GALNT13: variants seen among roughly 807,000 people sequenced by gnomAD.
The protein encoded by GALNT13 is polypeptide N-acetylgalactosaminyltransferase 13, also known as UDP-GalNAc:polypeptide N-acetylgalactosaminyltransferase 13.
GALNT13 carries 28 observed loss-of-function variants against 64.2 expected under a neutral mutation model. The ratio of observed to expected loss-of-function variants is 0.44; its 90% CI spans 0.32 to 0.60. GALNT13 has a LOEUF of 0.60. GALNT13 is among the 20% of genes least tolerant of loss of function. The probability of loss-of-function intolerance (pLI) is 0.05; values close to 1 mark genes in which losing one functional copy is unlikely to be tolerated. For synonymous variants in GALNT13, 214 were observed against 224.6 expected, an observed-to-expected ratio of 0.95 and a Z score of 0.42; for missense variants, 577 against 669.8, an observed-to-expected ratio of 0.86 and a Z score of 1.53.
intron 4 of GALNT13, among the ~76,000 whole-genome samples, chr2:154,235,217 G>A (rs1689130696): frequency 6.6e-6 from 1 of 152,030 alleles, no homozygotes; most frequent in African/African-American, 2.4e-5. Flanking sequence ...AGATGAGTAC[G>A]GCATCTCCCT....
chr2:154,415,501 T>A (rs1350144373), intron 11 of GALNT13, among the ~76,000 whole-genome samples: 1 of 152,108 alleles, frequency 6.6e-6, no homozygotes, highest in Admixed American at 6.6e-5. Flanking sequence ...CAGAGCTATT[T>A]TTCAAGGTAG....
At chr2:153,431,601 C>T in the GALNT13 span, among the ~76,000 whole-genome samples, 2 of 152,196 alleles carry the variant, frequency 1.3e-5, no homozygotes, top group African/African-American at 4.8e-5. Context: ...CCTCCTGCTC[C>T]CTTTCTAGGC....
chr2:153,501,242 A>G, the GALNT13 span, among the ~76,000 whole-genome samples: 1 of 152,306 alleles, frequency 6.6e-6, no homozygotes, highest in Middle Eastern at 3.4e-3. Flanking sequence ...ATGAAGAGGG[A>G]AGACTTAGCT....
the GALNT13 span, among the ~76,000 whole-genome samples, chr2:153,489,646 G>A: frequency 1.2e-3 from 180 of 152,110 alleles, no homozygotes; most frequent in Admixed American, 4.9e-3. Context: ...CCTATGTTTC[G>A]ATTAATACAA....
At chr2:153,442,127 A>G in the GALNT13 span, among the ~76,000 whole-genome samples, 1 of 152,124 alleles carries the variant, frequency 6.6e-6, no homozygotes, top group East Asian at 1.9e-4. Flanking sequence ...GTCCATCAAT[A>G]CCTAGTTTAT....
At chr2:153,789,174 C>A in the GALNT13 span, among the ~76,000 whole-genome samples, 8 of 152,100 alleles carry the variant, frequency 5.3e-5, no homozygotes, top group African/African-American at 1.9e-4. Context: ...ATGACACATA[C>A]TCTAAAATTG....
At chr2:154,012,070 A>G (rs1574326090) in intron 3 of GALNT13, among the ~76,000 whole-genome samples, 1 of 152,086 alleles carries the variant, frequency 6.6e-6, no homozygotes, top group Admixed American at 6.6e-5. Context: ...GTTTGCATTC[A>G]AGATTAATGT....
the GALNT13 span, among the ~76,000 whole-genome samples, chr2:153,277,926 TC>T: frequency 0.084 from 6,792 of 81,198 alleles, 1,974 homozygotes; most frequent in East Asian, 0.54. Context: ...TTCTTTTCTT[TC>T]TTTTTTTTTT....
the GALNT13 span, among the ~76,000 whole-genome samples, chr2:153,551,058 A>C: frequency 6.6e-6 from 1 of 152,198 alleles, no homozygotes; most frequent in Non-Finnish European, 1.5e-5. Context: ...AGTCCAAAAA[A>C]AAATCATTGA....
chr2:154,050,739 A>T (rs545676173), intron 3 of GALNT13, among the ~76,000 whole-genome samples: 5 of 152,228 alleles, frequency 3.3e-5, no homozygotes, highest in Non-Finnish European at 5.9e-5. Flanking sequence ...TTTATAAAAC[A>T]AATGTAGTGA....
chr2:154,381,028 A>G (rs571096069), intron 9 of GALNT13, among the ~76,000 whole-genome samples: 12 of 152,220 alleles, frequency 7.9e-5, no homozygotes, highest in Non-Finnish European at 1.6e-4. Flanking sequence ...ACAAGATGTA[A>G]TATAATCATC....
At position 154,049,448 on chromosome 2, in the gene GALNT13, T is replaced by G. The variant is rs1266059607; in HGVS notation, c.143-90889T>G. On this transcript the variant is annotated intron_variant, in intron 3 of 12. Transcript: ENST00000392825. ...ATGGTATATATACTATTCATTGTGATATATATATATAATGGTATATATATA... is the reference window on the plus strand; with the variant it reads ...ATGGTATATATACTATTCATTGTGAGATATATATATAATGGTATATATATA... Among the ~76,000 whole-genome samples the G allele has an allele frequency of 2.7e-5, 4 of 146,114 alleles. No individual in the cohort carries two copies. In the Admixed American group the frequency reaches 2.7e-4, roughly 10 times the overall value.
chr2:154,360,524 G>A (rs939950092), intron 9 of GALNT13, among the ~76,000 whole-genome samples: 3 of 152,128 alleles, frequency 2.0e-5, no homozygotes, highest in Admixed American at 6.6e-5. Context: ...TGCTGCTTTC[G>A]CAGAAAAGCG....
At chr2:153,356,789 C>CTTTTTTTTTTTTTTTTT in the GALNT13 span, among the ~76,000 whole-genome samples, 2 of 104,904 alleles carry the variant, frequency 1.9e-5, 1 homozygote. Flanking sequence ...TCTTCTTCCT[C>CTTTTTTTTTTTTTTTTT]TTTTTTTTTT....
At chr2:153,719,004 C>A in the GALNT13 span, among the ~76,000 whole-genome samples, 2 of 152,132 alleles carry the variant, frequency 1.3e-5, no homozygotes, top group Non-Finnish European at 2.9e-5. Context: ...CACTGGTCAT[C>A]ATTAACTGTA....
chr2:153,800,484 T>C, the GALNT13 span, among the ~76,000 whole-genome samples: 3 of 152,154 alleles, frequency 2.0e-5, no homozygotes, highest in Non-Finnish European at 4.4e-5. Context: ...GATTGATGCT[T>C]TATTTCATGA....
At chr2:154,326,890 T>A (rs1694903419) in intron 9 of GALNT13, among the ~76,000 whole-genome samples, 1 of 152,112 alleles carries the variant, frequency 6.6e-6, no homozygotes, top group African/African-American at 2.4e-5. Flanking sequence ...GGTGTTGAGG[T>A]CACATTTTAC....
chr2:153,158,952 G>T, the GALNT13 span: 1,102 of 152,726 alleles, frequency 7.2e-3, 17 homozygotes, highest in Middle Eastern at 0.033. Context: ...TGTCCCGGGG[G>T]CACTTTCTTC....
At chr2:154,108,949 A>G (rs948593644) in intron 3 of GALNT13, among the ~76,000 whole-genome samples, 6 of 152,074 alleles carry the variant, frequency 3.9e-5, no homozygotes, top group African/African-American at 1.2e-4. Context: ...TCTGTGGTAT[A>G]CAGAAGTTTG....
Sources: gnomAD v4.1 joint callset for allele counts (sites outside exome capture counted in the v4.1 genomes callset) on GRCh38, gnomAD v4.1.1 for gene constraint, MANE v1.5 for transcripts, NCBI Gene and HGNC (gene_info 2026-07-23, HGNC 2026-07-21) for gene names.